RPTOR: variants seen among roughly 807,000 people sequenced by gnomAD.
RPTOR encodes the protein regulatory associated protein of MTOR complex 1, also known as regulatory-associated protein of mTOR.
RPTOR carries 21 observed loss-of-function variants against 169.9 expected under a neutral mutation model. The observed-to-expected ratio is 0.12, with a 90% confidence interval of 0.09 to 0.18. The LOEUF is 0.18. Ranked by LOEUF, RPTOR falls within the 10% of genes least tolerant of loss-of-function variation. The pLI, the probability that RPTOR is intolerant of heterozygous loss-of-function variation, is 1.00. For missense variants in RPTOR, 1,133 were observed against 1,855.9 expected, an observed-to-expected ratio of 0.61 and a Z score of 7.16; for synonymous variants, 732 against 753.2, an observed-to-expected ratio of 0.97 and a Z score of 0.46.
chr17:80,608,035 T>C (rs2065241193), intron 1 of RPTOR, among the ~76,000 whole-genome samples: 2 of 152,178 alleles, frequency 1.3e-5, no homozygotes, highest in South Asian at 4.1e-4. Flanking sequence ...TTGCTGACGG[T>C]GTATTGCTAA....
chr17:80,890,240 C>T (rs1598381397), intron 17 of RPTOR, among the ~76,000 whole-genome samples: 3 of 152,246 alleles, frequency 2.0e-5, no homozygotes, highest in African/African-American at 7.2e-5. Context: ...ATGCCAGCTC[C>T]CAGCTCTGGC....
chr17:80,902,591 C>T (rs149624690), intron 20 of RPTOR, among the ~76,000 whole-genome samples: 32 of 152,388 alleles, frequency 2.1e-4, no homozygotes, highest in African/African-American at 5.8e-4. Context: ...CCAGCCCATG[C>T]GTCTGCCCTC....
At chr17:80,851,722 G>A (rs542667125) in intron 11 of RPTOR, among the ~76,000 whole-genome samples, 14 of 152,314 alleles carry the variant, frequency 9.2e-5, no homozygotes, top group African/African-American at 2.6e-4. Context: ...GTGAACCAGC[G>A]TCCCGCTTGC....
chr17:80,823,293 G>T lies in RPTOR; in HGVS notation c.1136+70G>T, dbSNP rs1365516323. The stretch of plus-strand genomic sequence containing the variant: ...CGTGGCACTGTGATGTCATGGAATT[G>T]CACGGAGCTGGGCAGGGAGGCCCCA... On this transcript the variant is annotated intron_variant, in intron 9 of 33. Transcript: ENST00000306801. This position sits in a 1 kb window ranked among gnomAD's most constrained non-coding sequence, Gnocchi z 4.5. The T allele has an allele frequency of 4.4e-6, 7 of 1,578,566 alleles. No individual in the cohort carries two copies. Among genetic ancestry groups the T allele is most frequent in the Non-Finnish European group, 6.0e-6 (7 of 1,159,674 alleles).
chr17:80,780,267 G>T (rs1318189328), intron 6 of RPTOR, among the ~76,000 whole-genome samples: 1 of 152,188 alleles, frequency 6.6e-6, no homozygotes, highest in African/African-American at 2.4e-5. Flanking sequence ...GGGCACGTCA[G>T]CTTCCCTAAG....
chr17:80,636,291 A>C (rs1431748205), intron 2 of RPTOR, among the ~76,000 whole-genome samples: 2 of 151,980 alleles, frequency 1.3e-5, no homozygotes, highest in Non-Finnish European at 2.9e-5. Context: ...CAACACCTCA[A>C]ACACCCCGAC....
At chr17:80,782,798 A>G in intron 6 of RPTOR, among the ~76,000 whole-genome samples, 1 of 152,204 alleles carries the variant, frequency 6.6e-6, no homozygotes, top group Admixed American at 6.5e-5. Context: ...CAGCCTGAGT[A>G]TTATTCCCAT....
At chr17:80,799,804 G>C in intron 7 of RPTOR, among the ~76,000 whole-genome samples, 1 of 152,072 alleles carries the variant, frequency 6.6e-6, no homozygotes, top group East Asian at 1.9e-4. Flanking sequence ...CGTTGGGAGC[G>C]TGTGAAGGAT....
rs8079708 is a variant in RPTOR at position 80,696,088 on chromosome 17, C to A, written c.349-11753C>A. Among the ~76,000 whole-genome samples, 363 of 152,290 alleles carry A rather than the reference C, an allele frequency of 2.4e-3. 2 individuals carry two copies. The highest frequency in any genetic ancestry group is 8.5e-3 in the African/African-American group (353 of 41,560). ...TCCCTGTAGGGCAGGATAGATTTTTCCGGCAGGGCTGCAGCCTGGAGTTCA... is the reference window on the plus strand; with the variant it reads ...TCCCTGTAGGGCAGGATAGATTTTTACGGCAGGGCTGCAGCCTGGAGTTCA... On this transcript the variant is annotated intron_variant, in intron 3 of 33. Coordinates refer to ENST00000306801, the MANE Select transcript of RPTOR (RefSeq NM_020761.3).
intron 1 of RPTOR, among the ~76,000 whole-genome samples, chr17:80,560,095 T>C (rs1358322405): frequency 6.6e-6 from 1 of 152,162 alleles, no homozygotes; most frequent in Non-Finnish European, 1.5e-5. Flanking sequence ...ACAACATCCT[T>C]ACCCACAGCT....
chr17:80,846,154 C>G (rs1489182164), intron 10 of RPTOR, among the ~76,000 whole-genome samples: 2 of 152,278 alleles, frequency 1.3e-5, no homozygotes, highest in African/African-American at 4.8e-5. Context: ...TGTCCAGCCA[C>G]TGTCGTGAGC....
chr17:80,884,132 A>AC (rs2068215579), intron 16 of RPTOR, among the ~76,000 whole-genome samples, 160 bp downstream of exon 16: 2 of 152,102 alleles, frequency 1.3e-5, no homozygotes, highest in South Asian at 4.1e-4. Context: ...TGAGAAGAGA[A>AC]CCACACCACT....
intron 3 of RPTOR, among the ~76,000 whole-genome samples, chr17:80,705,444 A>G (rs1033435209): frequency 1.3e-5 from 2 of 152,182 alleles, no homozygotes; most frequent in African/African-American, 4.8e-5. Flanking sequence ...GGGAACCTGG[A>G]AAAACTCTTA....
At chr17:80,910,754 G>A (rs184637625) in intron 21 of RPTOR, among the ~76,000 whole-genome samples, 10 of 151,874 alleles carry the variant, frequency 6.6e-5, no homozygotes, top group African/African-American at 7.3e-5. Flanking sequence ...TGTGGCTTTC[G>A]GTTCCTTCAA....
Position 80,949,506 on chromosome 17 carries a change from C to G in RPTOR, c.3329C>G (p.Thr1110Ser). The change falls in exon 28 of 34, where the codon ACC becomes AGC. Residue 1110 changes from threonine to serine, a missense_variant. Around this residue, in one of 9 missense-constraint regions of RPTOR, gnomAD observed 410 missense variants for 623.7 expected, o/e 0.66. Transcript: ENST00000306801. ...TTGGAAAAGAACCCAGAGATGGTGACCGCGTGGCAGGGGCTCTCGGACATG... is the reference window on the plus strand; with the variant it reads ...TTGGAAAAGAACCCAGAGATGGTGAGCGCGTGGCAGGGGCTCTCGGACATG... ...ADLEKNPEMV[T>S]AWQGLSDMLP... The G allele has an allele frequency of 6.2e-7, 1 of 1,614,134 alleles. No homozygotes were observed. The highest frequency in any genetic ancestry group is 8.5e-7 in the Non-Finnish European group (1 of 1,180,028).
chr17:80,604,167 T>A (rs910324111), intron 1 of RPTOR, among the ~76,000 whole-genome samples: 3 of 152,218 alleles, frequency 2.0e-5, no homozygotes, highest in Non-Finnish European at 4.4e-5. Flanking sequence ...CCACTTTCAA[T>A]CAGCTATTTT....
chr17:80,677,310 G>GTAAC (rs2065867961), intron 3 of RPTOR, among the ~76,000 whole-genome samples: 1 of 152,302 alleles, frequency 6.6e-6, no homozygotes, highest in South Asian at 2.1e-4. Flanking sequence ...TAAAGAAAGT[G>GTAAC]TAACCCAAAA....
chr17:80,637,549 A>G (rs2065517761), intron 2 of RPTOR, among the ~76,000 whole-genome samples: 1 of 152,188 alleles, frequency 6.6e-6, no homozygotes, highest in South Asian at 2.1e-4. Flanking sequence ...TTATGGCCCG[A>G]CATTAAATAC....
At chr17:80,589,024 T>C (rs891308005) in intron 1 of RPTOR, among the ~76,000 whole-genome samples, 11 of 152,350 alleles carry the variant, frequency 7.2e-5, no homozygotes, top group African/African-American at 2.6e-4. Context: ...TTCATAGTTT[T>C]GTTTTTTACA....
Sources: allele counts gnomAD v4.1 joint callset (sites outside exome capture counted in the v4.1 genomes callset), GRCh38; gene constraint gnomAD v4.1.1; regional missense constraint gnomAD v4.1.1; non-coding constraint Gnocchi (gnomAD v3.1); transcripts MANE v1.5; gene names NCBI Gene and HGNC (gene_info 2026-07-23, HGNC 2026-07-21).